The following CRACDL variants were observed in gnomAD, a reference collection of about 807,000 sequenced individuals.
The protein encoded by CRACDL is CRACD-like protein.
A neutral mutation model predicts 70.6 loss-of-function variants in CRACDL; 26 were observed. The observed-to-expected ratio is 0.37, with a 90% CI of 0.27 to 0.51. The LOEUF (loss-of-function observed/expected upper bound fraction) is 0.51, where lower values mean the gene tolerates loss of function less well. Among genes scored for constraint, CRACDL ranks in the 20% least tolerant of loss-of-function variants. CRACDL has a pLI of 0.94. For missense variants in CRACDL, 1,283 were observed against 1,376.9 expected (o/e 0.93, Z 1.08); for synonymous variants, 618 against 615.2 (o/e 1.00, Z -0.07).
intron 1 of CRACDL, among the ~76,000 whole-genome samples, chr2:98,857,948 A>T (rs1706774078): frequency 6.6e-6 from 1 of 152,224 alleles, no homozygotes; most frequent in Non-Finnish European, 1.5e-5. Context: ...TATTTAAAGG[A>T]ATTTAGTTCA....
intron 1 of CRACDL, among the ~76,000 whole-genome samples, chr2:98,891,397 A>AAAAAAAAAAAAAAAAAAAAAAC (rs1707976696): frequency 6.6e-6 from 1 of 150,562 alleles, no homozygotes; most frequent in African/African-American, 2.4e-5. Context: ...AAAAAAAAAA[A>AAAAAAAAAAAAAAAAAAAAAAC]AAAAAAAATC....
At chr2:98,807,091 C>T (rs933867324) in intron 7 of CRACDL, among the ~76,000 whole-genome samples, 7 of 152,170 alleles carry the variant, frequency 4.6e-5, no homozygotes, top group African/African-American at 1.7e-4. Flanking sequence ...CTCCTTGCAA[C>T]GTAAGGATAT....
intron 1 of CRACDL, among the ~76,000 whole-genome samples, chr2:98,861,772 C>A (rs1489392710): frequency 1.3e-5 from 2 of 152,132 alleles, no homozygotes; most frequent in African/African-American, 4.8e-5. Flanking sequence ...CTGGGGGGTA[C>A]ATTGTGGTTA....
intron 1 of CRACDL, among the ~76,000 whole-genome samples, chr2:98,849,742 G>C (rs1441447186): frequency 1.3e-5 from 2 of 151,726 alleles, no homozygotes; most frequent in Non-Finnish European, 2.9e-5. Context: ...ACAACAAATG[G>C]ATCTCATGTC....
intron 1 of CRACDL, among the ~76,000 whole-genome samples, chr2:98,880,311 T>A (rs923471238): frequency 2.0e-5 from 3 of 152,190 alleles, no homozygotes; most frequent in East Asian, 3.9e-4. Context: ...ATTCTCCAAC[T>A]TTACTGTTCC....
At chr2:98,930,160 G>A (rs1035022916) in intron 1 of CRACDL, among the ~76,000 whole-genome samples, 1 of 152,088 alleles carries the variant, frequency 6.6e-6, no homozygotes, top group South Asian at 2.1e-4. Context: ...CTTGGCCCAG[G>A]GCACCTCCCA....
intron 6 of CRACDL, among the ~76,000 whole-genome samples, chr2:98,826,371 T>G (rs1705302082): frequency 6.6e-6 from 1 of 152,218 alleles, no homozygotes; most frequent in African/African-American, 2.4e-5. Context: ...TCAACAACTC[T>G]GTGACTAGAA....
intron 6 of CRACDL, among the ~76,000 whole-genome samples, chr2:98,824,731 T>G (rs1040699446): frequency 1.3e-5 from 2 of 152,226 alleles, no homozygotes; most frequent in Admixed American, 1.3e-4. Context: ...TGTTATTATT[T>G]TAACATTTTT....
At chr2:98,911,141 C>T (rs371242820) in intron 1 of CRACDL, among the ~76,000 whole-genome samples, 2 of 152,220 alleles carry the variant, frequency 1.3e-5, no homozygotes, top group East Asian at 3.9e-4. Context: ...GCTCTCGTCA[C>T]AGGCACACCC....
intron 1 of CRACDL, among the ~76,000 whole-genome samples, chr2:98,849,579 G>C (rs191297729): frequency 7.2e-5 from 11 of 152,082 alleles, no homozygotes; most frequent in South Asian, 2.1e-4. Context: ...GGCCGGGGAG[G>C]GGGGAGCATG....
At chr2:98,807,013 T>A (rs1355478765) in intron 7 of CRACDL, among the ~76,000 whole-genome samples, 1 of 152,180 alleles carries the variant, frequency 6.6e-6, no homozygotes, top group Admixed American at 6.5e-5. Context: ...CAAAGAAATG[T>A]TCACAGCTAA....
intron 8 of CRACDL, among the ~76,000 whole-genome samples, chr2:98,796,917 C>T (rs1703846726): frequency 6.6e-6 from 1 of 152,178 alleles, no homozygotes; most frequent in Non-Finnish European, 1.5e-5. Flanking sequence ...AGCATGTGGC[C>T]GGTGGAGCAG....
At chr2:98,931,993 A>G (rs1709090670) in intron 1 of CRACDL, among the ~76,000 whole-genome samples, 1 of 152,226 alleles carries the variant, frequency 6.6e-6, no homozygotes, top group African/African-American at 2.4e-5. Flanking sequence ...AATGTGTCTT[A>G]AGGACTCTTA....
chr2:98,918,539 C>CAAA (rs58312556), intron 1 of CRACDL, among the ~76,000 whole-genome samples: 17 of 66,338 alleles, frequency 2.6e-4, no homozygotes, highest in South Asian at 6.1e-4. Flanking sequence ...TGTTGTCTAC[C>CAAA]AAAAAAAAAA....
At chr2:98,931,561 G>C (rs1470540169) in intron 1 of CRACDL, among the ~76,000 whole-genome samples, 2 of 152,166 alleles carry the variant, frequency 1.3e-5, no homozygotes, top group African/African-American at 4.8e-5. Flanking sequence ...GACCTCAGAG[G>C]TTAAGGCAAA....
At chr2:98,914,199 G>A (rs535143175) in intron 1 of CRACDL, among the ~76,000 whole-genome samples, 1 of 152,344 alleles carries the variant, frequency 6.6e-6, no homozygotes, top group East Asian at 1.9e-4. Context: ...TGACTGTGTT[G>A]GTGAAGCTCT....
At chr2:98,798,685 T>C (rs1433610222) in intron 7 of CRACDL, among the ~76,000 whole-genome samples, 1 of 151,732 alleles carries the variant, frequency 6.6e-6, no homozygotes, top group Non-Finnish European at 1.5e-5. Flanking sequence ...TGGCTTTTCT[T>C]TTCTTTTCTT....
At chr2:98,807,911 G>T (rs2104426276) in intron 7 of CRACDL, among the ~76,000 whole-genome samples, 1 of 152,132 alleles carries the variant, frequency 6.6e-6, no homozygotes, top group East Asian at 1.9e-4. Flanking sequence ...CCCTTACAGA[G>T]TCTCAGCAAG....
intron 1 of CRACDL, among the ~76,000 whole-genome samples, chr2:98,874,910 G>C (rs1354718942): frequency 6.6e-6 from 1 of 152,094 alleles, no homozygotes; most frequent in African/African-American, 2.4e-5. Context: ...CCCCGATTCT[G>C]TTCCTCTGGC....
Sources: gnomAD v4.1 joint callset for allele counts (sites outside exome capture counted in the v4.1 genomes callset) on GRCh38, gnomAD v4.1.1 for gene constraint, MANE v1.5 for transcripts, NCBI Gene and HGNC (gene_info 2026-07-23, HGNC 2026-07-21) for gene names.